The following CASD1 variants were observed in gnomAD, a reference collection of about 807,000 sequenced individuals.
CASD1 encodes the protein N-acetylneuraminate (7)9-O-acetyltransferase.
Under a neutral mutation model 100.0 loss-of-function variants are expected in CASD1, and 41 were observed. The ratio of observed to expected loss-of-function variants is 0.41; its 90% CI spans 0.32 to 0.53. CASD1 has a LOEUF of 0.53. Among genes scored for constraint, CASD1 ranks in the 20% least tolerant of loss-of-function variants. CASD1 has a pLI of 0.25. For missense variants in CASD1, 774 were observed against 948.7 expected, an observed-to-expected ratio of 0.82 and a Z score of 2.42; for synonymous variants, 321 against 315.6, an observed-to-expected ratio of 1.02 and a Z score of -0.18.
chr7:94,544,446 T>C lies in CASD1; in HGVS notation c.1392T>C (p.Val464=). The C allele has an allele frequency of 6.2e-7, 1 of 1,613,422 alleles. No individual in the cohort carries two copies. Among genetic ancestry groups the C allele is most frequent in the Non-Finnish European group, 8.5e-7 (1 of 1,179,574 alleles). The change falls in exon 11 of 18, where the codon GTT becomes GTC. Residue 464 remains valine (V), a synonymous_variant. Coordinates refer to ENST00000297273, the MANE Select transcript of CASD1 (RefSeq NM_022900.5). ...LPVYMHIRVL[V]AAYLFQTGYG... ...TATACATGCACATTCGAGTTCTGGTTGCTGCATATTTATTTCAGACAGGGT... is the reference window on the plus strand; with the variant it reads ...TATACATGCACATTCGAGTTCTGGTCGCTGCATATTTATTTCAGACAGGGT...
At chr7:94,532,922 G>C (rs534832417) in intron 5 of CASD1, among the ~76,000 whole-genome samples, 1 of 152,010 alleles carries the variant, frequency 6.6e-6, no homozygotes, top group South Asian at 2.1e-4. Flanking sequence ...ATATTAGGTC[G>C]TGTTAGATTT....
At chr7:94,547,241 ATG>A (rs1432020286) in intron 13 of CASD1, 66 bp downstream of exon 13, 35 of 1,200,026 alleles carry the variant, frequency 2.9e-5, no homozygotes, top group Non-Finnish European at 2.3e-5. Flanking sequence ...CTATTAAAGC[ATG>A]TGAGAAGAGT....
the CASD1 span, among the ~76,000 whole-genome samples, chr7:94,608,042 A>G: frequency 6.6e-6 from 1 of 152,190 alleles, no homozygotes; most frequent in Non-Finnish European, 1.5e-5. Flanking sequence ...GAACAGGTAG[A>G]ACTTGAAATT....
the CASD1 span, chr7:94,617,946 T>A: frequency 1.3e-5 from 2 of 152,228 alleles, no homozygotes; most frequent in Admixed American, 6.5e-5. Context: ...AAGGGGAATA[T>A]GCTATGCAAA....
Position 94,537,707 on chromosome 7 carries a change from C to G in CASD1, c.1079C>G (p.Pro360Arg). The part of the protein sequence containing the change: ...GEEKKNIINT[P>R]VSSLEILLQS... ...GAAAAGAAAAATATTATCAATACCC[C>G]TGTGTCTTCATTAGAAATACTTTTA... The change falls in exon 9 of 18, where the codon CCT becomes CGT. Residue 360 changes from proline to arginine, a missense_variant. Pro to Arg is a moderately radical substitution (Grantham distance 103). Around this residue, in one of 5 missense-constraint regions of CASD1, gnomAD observed 453 missense variants for 532.6 expected, o/e 0.85. Transcript: ENST00000297273. The G allele has an allele frequency of 6.2e-7, 1 of 1,613,680 alleles. No individual in the cohort carries two copies. Among genetic ancestry groups the G allele is most frequent in the Non-Finnish European group, 8.5e-7 (1 of 1,179,778 alleles).
At chr7:94,512,001 C>G (rs1281206682) in intron 1 of CASD1, among the ~76,000 whole-genome samples, 1 of 152,132 alleles carries the variant, frequency 6.6e-6, no homozygotes, top group African/African-American at 2.4e-5. Flanking sequence ...AGTGTACTTG[C>G]CCAGACTGAA....
the CASD1 span, among the ~76,000 whole-genome samples, chr7:94,596,253 AC>A: frequency 1.3e-5 from 2 of 152,244 alleles, no homozygotes; most frequent in Middle Eastern, 6.8e-3. Flanking sequence ...ATTAGTAGCA[AC>A]ATTGCAAAAT....
At chr7:94,582,422 C>T in the CASD1 span, among the ~76,000 whole-genome samples, 1 of 152,174 alleles carries the variant, frequency 6.6e-6, no homozygotes, top group African/African-American at 2.4e-5. Context: ...TGCACCTGGC[C>T]AGCTTTTTTT....
the CASD1 span, among the ~76,000 whole-genome samples, chr7:94,564,740 A>T: frequency 1.3e-5 from 2 of 152,158 alleles, no homozygotes; most frequent in Admixed American, 1.3e-4. Flanking sequence ...TTGGGTCTTC[A>T]TGTATCAATG....
chr7:94,574,695 G>T, the CASD1 span, among the ~76,000 whole-genome samples: 1 of 151,844 alleles, frequency 6.6e-6, no homozygotes, highest in Admixed American at 6.6e-5. Context: ...CCTGAGCCGG[G>T]TGTGGTGGCT....
intron 3 of CASD1, among the ~76,000 whole-genome samples, chr7:94,521,535 C>T (rs1794271055): frequency 6.6e-6 from 1 of 151,856 alleles, no homozygotes; most frequent in Admixed American, 6.6e-5. Flanking sequence ...GTTAAAGATG[C>T]ACAGTGAAAC....
At position 94,533,683 on chromosome 7, in the gene CASD1, C is replaced by T. The variant is rs1794967265; in HGVS notation, c.509C>T (p.Ser170Phe). The change falls in exon 7 of 18, where the codon TCC (serine) becomes TTC (phenylalanine). Residue 170 changes from serine to phenylalanine, a missense_variant. By Grantham distance (155) the Ser-to-Phe change is radical. This residue lies in a region of CASD1 where 453 missense variants were observed against 532.6 expected (regional missense o/e 0.85). Coordinates refer to ENST00000297273, the MANE Select transcript of CASD1 (RefSeq NM_022900.5). ...HVIVAGAATWSIKIHNGSSEA... is the reference protein window; with the variant it reads ...HVIVAGAATWFIKIHNGSSEA... ...ATAATTTGTACTTCTTTTTAGTGGT[C>T]CATCAAGATTCACAATGGTAGCAGT... The T allele has an allele frequency of 6.3e-7, 1 of 1,592,160 alleles. No individual in the cohort carries two copies. The highest frequency in any genetic ancestry group is 1.1e-5 in the South Asian group (1 of 87,214).
At chr7:94,580,310 A>G in the CASD1 span, among the ~76,000 whole-genome samples, 2 of 152,106 alleles carry the variant, frequency 1.3e-5, no homozygotes, top group Non-Finnish European at 2.9e-5. Flanking sequence ...CTTCCCCTAT[A>G]CTTCACCATC....
At chr7:94,593,094 T>C in the CASD1 span, among the ~76,000 whole-genome samples, 1 of 152,068 alleles carries the variant, frequency 6.6e-6, no homozygotes. Flanking sequence ...TACCATAAAG[T>C]TAGTTGTCAT....
the CASD1 span, chr7:94,628,137 T>TACACAC: frequency 0.055 from 54,199 of 989,734 alleles, 685 homozygotes; most frequent in Middle Eastern, 0.11. Context: ...CAAATTACAA[T>TACACAC]ACACACACAC....
At chr7:94,540,426 T>C (rs938860663) in intron 10 of CASD1, among the ~76,000 whole-genome samples, 3 of 152,156 alleles carry the variant, frequency 2.0e-5, no homozygotes, top group Non-Finnish European at 4.4e-5. Flanking sequence ...TCTCTAACAA[T>C]TGAAGGATGT....
intron 10 of CASD1, among the ~76,000 whole-genome samples, chr7:94,540,564 T>C (rs888717513): frequency 6.6e-6 from 1 of 152,140 alleles, no homozygotes; most frequent in African/African-American, 2.4e-5. Context: ...GATATGTATG[T>C]TTGTTGCAAC....
At chr7:94,622,896 C>T in the CASD1 span, among the ~76,000 whole-genome samples, 4 of 152,092 alleles carry the variant, frequency 2.6e-5, no homozygotes, top group Admixed American at 6.6e-5. Flanking sequence ...ATCACATATA[C>T]TTAGACTATT....
chr7:94,510,006 GCGGCGGCAGCCC>G lies in CASD1; in HGVS notation c.-77_-66del. ...GGCGGCCGCTCCTCGCCTGGCTGCAGCGGCGGCAGCCCCAGTGCTGCCCCTGTGCGGCGCCCC... is the reference window on the plus strand; with the variant it reads ...GGCGGCCGCTCCTCGCCTGGCTGCAGCAGTGCTGCCCCTGTGCGGCGCCCC... On this transcript the variant is annotated 5_prime_UTR_variant, in exon 1 of 18. Coordinates refer to ENST00000297273, the MANE Select transcript of CASD1 (RefSeq NM_022900.5). The G allele has an allele frequency of 3.1e-6, 4 of 1,302,400 alleles. No homozygotes were observed. Among genetic ancestry groups the G allele is most frequent in the Admixed American group, 3.3e-5 (1 of 30,210 alleles). 80.7% of individuals were successfully genotyped at this position (1,302,400 alleles called of 1,614,324 possible). A position where few individuals can be genotyped will look rare whatever the true frequency, so the allele number is the denominator to read the frequency against.
Sources: allele counts gnomAD v4.1 joint callset (sites outside exome capture counted in the v4.1 genomes callset), GRCh38; gene constraint gnomAD v4.1.1; regional missense constraint gnomAD v4.1.1; transcripts MANE v1.5; gene names NCBI Gene and HGNC (gene_info 2026-07-23, HGNC 2026-07-21).